Variants in NBDY observed in about 807,000 individuals in gnomAD.
NBDY encodes the protein P-body dissociating protein.
intron 2 of NBDY, among the ~76,000 whole-genome samples, chrX:56,736,350 C>T (rs971773120): frequency 6.2e-5 from 7 of 112,055 alleles, no homozygotes; most frequent in African/African-American, 9.7e-5. Context: ...CTGCAGCCTC[C>T]GCCCCCCGGG....
chrX:56,733,537 G>T (rs2069470631), intron 2 of NBDY, among the ~76,000 whole-genome samples: 1 of 111,563 alleles, frequency 9.0e-6, no homozygotes, highest in Non-Finnish European at 1.9e-5. Flanking sequence ...CCTCTAAGGT[G>T]TTGTCATCCT....
intron 2 of NBDY, among the ~76,000 whole-genome samples, chrX:56,813,892 C>T (rs1377735408): frequency 2.7e-5 from 3 of 111,751 alleles, no homozygotes; most frequent in Non-Finnish European, 3.8e-5. Context: ...TGTTTTTTCA[C>T]GGGGATGTCA....
chrX:56,801,991 C>T (rs1380068574), intron 2 of NBDY, among the ~76,000 whole-genome samples: 1 of 108,140 alleles, frequency 9.2e-6, no homozygotes, highest in African/African-American at 3.4e-5. Flanking sequence ...CACACACACA[C>T]ACACACACAC....
At chrX:56,790,651 C>T (rs2069757482) in intron 2 of NBDY, among the ~76,000 whole-genome samples, 1 of 112,025 alleles carries the variant, frequency 8.9e-6, no homozygotes, top group Admixed American at 9.4e-5. Flanking sequence ...TTCAGAGGTC[C>T]TCGTTTTTAA....
chrX:56,795,127 C>T (rs187029870), intron 2 of NBDY, among the ~76,000 whole-genome samples: 1 of 112,282 alleles, frequency 8.9e-6, no homozygotes, highest in Non-Finnish European at 1.9e-5. Flanking sequence ...GTCATTCTGC[C>T]AAAGTGCATG....
chrX:56,767,425 G>A (rs1291784154), intron 2 of NBDY, among the ~76,000 whole-genome samples: 1 of 113,433 alleles, frequency 8.8e-6, no homozygotes, highest in Non-Finnish European at 1.9e-5. Context: ...CCGCTACACT[G>A]TGGGAGCCCC....
chrX:56,757,909 G>A (rs1460231479), intron 2 of NBDY, among the ~76,000 whole-genome samples: 1 of 111,142 alleles, frequency 9.0e-6, no homozygotes, highest in East Asian at 2.8e-4. Context: ...TTGGAGGAGG[G>A]TGGCTACAGA....
At chrX:56,801,874 A>G (rs1395240201) in intron 2 of NBDY, among the ~76,000 whole-genome samples, 1 of 110,517 alleles carries the variant, frequency 9.0e-6, no homozygotes, top group African/African-American at 3.3e-5. Flanking sequence ...ACTCACAGGG[A>G]AACCCCGACA....
chrX:56,763,237 C>T (rs1254298035), intron 2 of NBDY, among the ~76,000 whole-genome samples: 1 of 112,152 alleles, frequency 8.9e-6, no homozygotes, highest in Non-Finnish European at 1.9e-5. Flanking sequence ...AGAGAGAGTT[C>T]CCTTGGGAGC....
chrX:56,736,326 G>GCAAT (rs1164283080), intron 2 of NBDY, among the ~76,000 whole-genome samples: 1 of 111,740 alleles, frequency 8.9e-6, no homozygotes, highest in East Asian at 2.8e-4. Context: ...GTGCAGTGGC[G>GCAAT]CAATCTAGGC....
intron 2 of NBDY, among the ~76,000 whole-genome samples, chrX:56,809,017 C>T (rs927102784): frequency 1.8e-5 from 2 of 112,433 alleles, no homozygotes; most frequent in Non-Finnish European, 3.7e-5. Flanking sequence ...TCGTTATTTA[C>T]GCAGTAGTCA....
At position 56,817,573 on chromosome X, in the gene NBDY, C is replaced by T. The variant is rs754509599; in HGVS notation, c.*420C>T. The T allele has an allele frequency of 7.5e-4, 84 of 111,853 alleles. No individual in the cohort carries two copies. Among genetic ancestry groups the T allele is most frequent in the African/African-American group, 1.2e-3 (36 of 30,850 alleles). The allele number at this position is 111,853 out of a possible 1,213,427, so 9.2% of individuals were successfully genotyped here. On this transcript the variant is annotated 3_prime_UTR_variant, in exon 3 of 3. Coordinates refer to ENST00000374922, the MANE Select transcript of NBDY (RefSeq NM_001348129.2). ...GGCCCCAATAAAGTTTGTCTCTAAG[C>T]GCTGTGTTAGATCTATATGACTACA... is the stretch of plus-strand genomic sequence containing the variant.
intron 2 of NBDY, among the ~76,000 whole-genome samples, chrX:56,736,714 C>T (rs1245598036): frequency 1.8e-5 from 2 of 112,556 alleles, no homozygotes; most frequent in Non-Finnish European, 3.8e-5. Flanking sequence ...TTTTGTACTT[C>T]TATTTTTCTA....
chrX:56,799,957 T>A (rs1008008985), intron 2 of NBDY, among the ~76,000 whole-genome samples: 1 of 108,186 alleles, frequency 9.2e-6, no homozygotes, highest in Non-Finnish European at 1.9e-5. Context: ...GCTATGCTTT[T>A]GCTGTGGATT....
intron 2 of NBDY, among the ~76,000 whole-genome samples, chrX:56,747,109 C>A (rs1433454908): frequency 8.9e-6 from 1 of 111,948 alleles, no homozygotes; most frequent in Non-Finnish European, 1.9e-5. Context: ...TAACCTGACA[C>A]CGAGTGTGTG....
chrX:56,797,796 TCA>T (rs2069800945), intron 2 of NBDY, among the ~76,000 whole-genome samples: 1 of 111,259 alleles, frequency 9.0e-6, no homozygotes, highest in African/African-American at 3.3e-5. Context: ...AAGCAGGAAC[TCA>T]CAGACCACAG....
chrX:56,760,906 T>C (rs2039745808), intron 2 of NBDY, among the ~76,000 whole-genome samples: 1 of 110,515 alleles, frequency 9.0e-6, no homozygotes, highest in South Asian at 3.8e-4. Flanking sequence ...TGTGGGGAGG[T>C]TGCACTGGGG....
rs2069918191 is a variant in NBDY at position 56,817,956 on chromosome X, A to G, written c.*803A>G. The stretch of plus-strand genomic sequence containing the variant: ...TTCTAAAATGCTTAGTATTGAACAA[A>G]TAGAATATCCTAATTAAAAACAGTA... On this transcript the variant is annotated 3_prime_UTR_variant, in exon 3 of 3. Coordinates refer to ENST00000374922, the MANE Select transcript of NBDY (RefSeq NM_001348129.2). 9.0e-6 allele frequency: 1 copy of G among 111,587 alleles called. No individual in the cohort carries two copies. The highest frequency in any genetic ancestry group is 3.2e-5 in the African/African-American group (1 of 30,793). The allele number at this position is 111,587 out of a possible 1,213,427, so 9.2% of individuals were successfully genotyped here.
chrX:56,767,092 G>T (rs1308216107), intron 2 of NBDY, among the ~76,000 whole-genome samples: 1 of 113,635 alleles, frequency 8.8e-6, no homozygotes, highest in Non-Finnish European at 1.9e-5. Flanking sequence ...GTGTAAGCCA[G>T]CTGGGTGGCC....
Sources: allele counts gnomAD v4.1 joint callset (sites outside exome capture counted in the v4.1 genomes callset), GRCh38; gene constraint gnomAD v4.1.1; transcripts MANE v1.5; gene names NCBI Gene and HGNC (gene_info 2026-07-23, HGNC 2026-07-21).